Variants in RGPD2 observed in about 807,000 individuals in gnomAD.
The protein encoded by RGPD2 is RANBP2-like and GRIP domain-containing protein 2.
A neutral mutation model predicts 36.0 loss-of-function variants in RGPD2; 2 were observed. The observed-to-expected ratio is 0.06, with a 90% CI of 0.02 to 0.17. RGPD2 has a LOEUF of 0.17. Among genes scored for constraint, RGPD2 ranks in the 10% least tolerant of loss-of-function variants. RGPD2 has a pLI of 1.00. For missense variants in RGPD2, 40 were observed against 464.3 expected, an observed-to-expected ratio of 0.09 and a Z score of 8.40; for synonymous variants, 19 against 163.8, an observed-to-expected ratio of 0.12 and a Z score of 6.75.
chr2:87,903,481 G>A, the RGPD2 span, among the ~76,000 whole-genome samples: 8 of 152,272 alleles, frequency 5.3e-5, no homozygotes, highest in Admixed American at 1.3e-4. Context: ...AGCAAATACC[G>A]TTTATTTTTA....
chr2:87,937,892 T>C, the RGPD2 span, among the ~76,000 whole-genome samples: 1 of 151,824 alleles, frequency 6.6e-6, no homozygotes, highest in African/African-American at 2.4e-5. Context: ...CATTAAGAAA[T>C]ACAATTTTTG....
chr2:87,881,185 C>T, the RGPD2 span, among the ~76,000 whole-genome samples: 2 of 151,190 alleles, frequency 1.3e-5, no homozygotes, highest in African/African-American at 4.9e-5. Context: ...GGTTTCAGTC[C>T]CCATGCCTGC....
the RGPD2 span, among the ~76,000 whole-genome samples, chr2:87,951,246 T>G: frequency 6.7e-6 from 1 of 150,048 alleles, no homozygotes; most frequent in Non-Finnish European, 1.5e-5. Flanking sequence ...TAAATCTTAA[T>G]CAGAAATATC....
the RGPD2 span, among the ~76,000 whole-genome samples, chr2:87,913,022 C>G: frequency 6.6e-6 from 1 of 152,020 alleles, no homozygotes; most frequent in Non-Finnish European, 1.5e-5. Context: ...TAAAATATTA[C>G]TAGGTCGCTC....
the RGPD2 span, among the ~76,000 whole-genome samples, chr2:87,871,688 A>G: frequency 4.6e-5 from 7 of 152,156 alleles, no homozygotes; most frequent in East Asian, 1.4e-3. Flanking sequence ...CAACATGGAG[A>G]AACCCTGTCT....
the RGPD2 span, among the ~76,000 whole-genome samples, chr2:87,872,930 T>G: frequency 6.6e-6 from 1 of 152,256 alleles, no homozygotes. Context: ...CAGCTAATTT[T>G]TGTATTCTTA....
the RGPD2 span, among the ~76,000 whole-genome samples, chr2:87,911,590 G>A: frequency 6.6e-6 from 1 of 151,868 alleles, no homozygotes; most frequent in Non-Finnish European, 1.5e-5. Context: ...TCAGGATTAT[G>A]TACTATTGAT....
At chr2:87,937,028 T>C in the RGPD2 span, among the ~76,000 whole-genome samples, 1 of 151,568 alleles carries the variant, frequency 6.6e-6, no homozygotes, top group African/African-American at 2.4e-5. Context: ...ACGAGCAAAA[T>C]ATGGTTTCTG....
At chr2:87,876,454 C>A in the RGPD2 span, among the ~76,000 whole-genome samples, 15 of 152,178 alleles carry the variant, frequency 9.9e-5, no homozygotes, top group African/African-American at 2.9e-4. Context: ...TTTCAAATAA[C>A]CTGTTGATTT....
At chr2:87,985,595 C>T in the RGPD2 span, 2 of 862,536 alleles carry the variant, frequency 2.3e-6, no homozygotes, top group Non-Finnish European at 3.8e-6. Flanking sequence ...CATATAGATA[C>T]AATAAACCTT....
intron 1 of RGPD2, chr2:87,825,002 T>G (rs2104381414): frequency 3.4e-4 from 123 of 361,380 alleles, no homozygotes; most frequent in East Asian, 4.9e-4. Flanking sequence ...TCTTACACTA[T>G]TCCTCATCAC....
At chr2:87,834,504 T>G in the RGPD2 span, among the ~76,000 whole-genome samples, 2 of 152,106 alleles carry the variant, frequency 1.3e-5, no homozygotes, top group Non-Finnish European at 2.9e-5. Flanking sequence ...TTTGCACATA[T>G]TCAGGATACA....
the RGPD2 span, among the ~76,000 whole-genome samples, chr2:87,877,115 C>G: frequency 4.6e-5 from 7 of 152,254 alleles, no homozygotes; most frequent in African/African-American, 1.4e-4. Flanking sequence ...TGAGATGGGT[C>G]TCTTGAGGAC....
At chr2:87,834,276 AG>A in the RGPD2 span, among the ~76,000 whole-genome samples, 1 of 151,962 alleles carries the variant, frequency 6.6e-6, no homozygotes, top group Non-Finnish European at 1.5e-5. Context: ...TGAAAAACTG[AG>A]CTCTAAACCG....
the RGPD2 span, among the ~76,000 whole-genome samples, chr2:87,958,378 T>C: frequency 6.6e-6 from 1 of 151,854 alleles, no homozygotes; most frequent in East Asian, 1.9e-4. Context: ...TTTTGGCTTC[T>C]GATACATCTG....
chr2:87,771,410 T>TG (rs1333371891), intron 22 of RGPD2: 5 of 31,942 alleles, frequency 1.6e-4, no homozygotes, highest in African/African-American at 5.4e-4. Context: ...TTTTTTTTTT[T>TG]TTTTTGAGAT....
At chr2:87,886,834 A>G in the RGPD2 span, among the ~76,000 whole-genome samples, 1 of 151,918 alleles carries the variant, frequency 6.6e-6, no homozygotes, top group Non-Finnish European at 1.5e-5. Context: ...CTCAATCACC[A>G]TGGGAGACAG....
At chr2:87,883,736 G>T in the RGPD2 span, among the ~76,000 whole-genome samples, 1 of 152,074 alleles carries the variant, frequency 6.6e-6, no homozygotes, top group African/African-American at 2.4e-5. Flanking sequence ...TGACAAAGTG[G>T]TAAGTTCATA....
the RGPD2 span, among the ~76,000 whole-genome samples, chr2:87,864,701 C>A: frequency 2.0e-5 from 3 of 152,406 alleles, no homozygotes; most frequent in East Asian, 1.9e-4. Flanking sequence ...AATCCTAAGA[C>A]AACTGGTTGA....
Sources: allele counts gnomAD v4.1 joint callset (sites outside exome capture counted in the v4.1 genomes callset), GRCh38; gene constraint gnomAD v4.1.1; transcripts MANE v1.5; gene names NCBI Gene and HGNC (gene_info 2026-07-23, HGNC 2026-07-21).